The following ITGB1 variants were observed in gnomAD, a reference collection of about 807,000 sequenced individuals.
The protein encoded by ITGB1 is integrin subunit beta 1, also known as integrin beta-1.
A neutral mutation model predicts 86.5 loss-of-function variants in ITGB1; 24 were observed. That is an observed-to-expected ratio of 0.28 (90% CI 0.20 to 0.39). The LOEUF (loss-of-function observed/expected upper bound fraction) is 0.39. Among genes scored for constraint, ITGB1 ranks in the 10% least tolerant of loss-of-function variants. ITGB1 has a pLI of 1.00. For missense variants in ITGB1, 556 were observed against 946.9 expected, an observed-to-expected ratio of 0.59 and a Z score of 5.42; for synonymous variants, 323 against 316.8, an observed-to-expected ratio of 1.02 and a Z score of -0.21.
At chr10:32,902,590 C>T (rs140644897) in intron 15 of ITGB1, among the ~76,000 whole-genome samples, 2 of 151,964 alleles carry the variant, frequency 1.3e-5, no homozygotes, top group African/African-American at 4.8e-5. Flanking sequence ...TTGTTAACTA[C>T]CAGGGAAATT....
At chr10:32,925,622 G>T (rs941669302) in intron 6 of ITGB1, among the ~76,000 whole-genome samples, 1 of 152,152 alleles carries the variant, frequency 6.6e-6, no homozygotes, top group Non-Finnish European at 1.5e-5. Context: ...GTTTCAAATG[G>T]TTAGCATTCT....
intron 15 of ITGB1, 52 bp from the exon 16 acceptor site, chr10:32,901,687 G>C: frequency 2.6e-6 from 3 of 1,157,478 alleles, no homozygotes; most frequent in Non-Finnish European, 3.8e-6. Context: ...CTAAAATTAT[G>C]TAGAATAATT....
At chr10:32,944,800 C>G (rs1265512085) in intron 1 of ITGB1, 4 of 823,222 alleles carry the variant, frequency 4.9e-6, no homozygotes, top group Non-Finnish European at 8.4e-6. Flanking sequence ...GAGTCTACAA[C>G]ATTGAATTCA....
intron 11 of ITGB1, among the ~76,000 whole-genome samples, chr10:32,918,570 G>A (rs963050176): frequency 1.3e-5 from 2 of 152,012 alleles, no homozygotes; most frequent in Non-Finnish European, 2.9e-5. Context: ...AAGTTCATAT[G>A]GAATATATGC....
At chr10:32,944,464 G>A (rs926377342) in intron 1 of ITGB1, 9 of 352,676 alleles carry the variant, frequency 2.6e-5, no homozygotes, top group Middle Eastern at 9.8e-4. Context: ...TAGTTGTCGC[G>A]CGTCACCAAA....
At chr10:32,923,368 G>A (rs2094955676) in intron 7 of ITGB1, among the ~76,000 whole-genome samples, 1 of 152,130 alleles carries the variant, frequency 6.6e-6, no homozygotes, top group Non-Finnish European at 1.5e-5. Context: ...TCCCACCCCA[G>A]TGAGGCCCTT....
intron 6 of ITGB1, 48 bp downstream of exon 6, chr10:32,925,823 C>A (rs45470097): frequency 0.01 from 11,177 of 1,115,868 alleles, 91 homozygotes; most frequent in Middle Eastern, 0.034. Flanking sequence ...TTAAAATTCA[C>A]ACACATAATA....
chr10:32,907,191 T>C (rs200349755), intron 15 of ITGB1: 1 of 780,452 alleles, frequency 1.3e-6, no homozygotes, highest in Non-Finnish European at 2.0e-6. Context: ...AAAAAAAAAA[T>C]CCCTTTATAG....
chr10:32,909,027 G>C (rs1346154895), intron 14 of ITGB1, among the ~76,000 whole-genome samples: 1 of 152,184 alleles, frequency 6.6e-6, no homozygotes, highest in Non-Finnish European at 1.5e-5. Context: ...GTAGCAATCA[G>C]TAAGCCACTT....
intron 3 of ITGB1, among the ~76,000 whole-genome samples, chr10:32,931,799 T>C (rs955309003): frequency 2.6e-5 from 4 of 152,142 alleles, no homozygotes; most frequent in Non-Finnish European, 5.9e-5. Context: ...TAGTTATTCA[T>C]TCTGTGAATA....
At chr10:32,952,083 G>A (rs2095043754) in intron 1 of ITGB1, among the ~76,000 whole-genome samples, 1 of 152,004 alleles carries the variant, frequency 6.6e-6, no homozygotes, top group Non-Finnish European at 1.5e-5. Flanking sequence ...CATGATAAAT[G>A]TTTTAAAACC....
intron 1 of ITGB1, among the ~76,000 whole-genome samples, chr10:32,942,321 T>C (rs2095020318): frequency 6.6e-6 from 1 of 152,026 alleles, no homozygotes; most frequent in Admixed American, 6.5e-5. Context: ...GGAAAAGAGG[T>C]ACGGCTTAGG....
At chr10:32,938,355 A>G (rs1361879252) in intron 1 of ITGB1, among the ~76,000 whole-genome samples, 4 of 152,254 alleles carry the variant, frequency 2.6e-5, no homozygotes, top group African/African-American at 7.2e-5. Context: ...TATTTGTTCC[A>G]TATATGGACA....
intron 2 of ITGB1, among the ~76,000 whole-genome samples, chr10:32,934,121 T>C (rs1243144326): frequency 2.0e-5 from 3 of 152,176 alleles, no homozygotes; most frequent in Admixed American, 1.3e-4. Flanking sequence ...TTGAAGAGCA[T>C]ATTAACATTT....
chr10:32,928,107 C>A lies in ITGB1; in HGVS notation c.534G>T (p.Ser178=). The A allele has an allele frequency of 6.3e-7, 1 of 1,583,958 alleles. No individual in the cohort carries two copies. The highest frequency in any genetic ancestry group is 1.2e-5 in the South Asian group (1 of 86,738). ...DLMNEMRRIT[S]DFRIGFGSFV... is the part of the protein sequence containing the mutation. Reference sequence around the variant, plus strand: ...CAACATTCCTACCAATTCTGAAGTCCGAAGTAATCCTCCTCATTTCATTCA... The same window carrying A: ...CAACATTCCTACCAATTCTGAAGTCAGAAGTAATCCTCCTCATTTCATTCA... The change falls in exon 5 of 16, where the codon TCG becomes TCT. Residue 178 remains serine, a synonymous_variant. Coordinates refer to ENST00000302278, the MANE Select transcript of ITGB1 (RefSeq NM_002211.4).
chr10:32,944,288 C>G (rs1039885655), intron 1 of ITGB1, among the ~76,000 whole-genome samples: 1 of 152,230 alleles, frequency 6.6e-6, no homozygotes, highest in Admixed American at 6.5e-5. Context: ...CCACAGTCCC[C>G]GCCCACTAGC....
chr10:32,929,426 A>C (rs2094976127), intron 4 of ITGB1, among the ~76,000 whole-genome samples: 1 of 152,184 alleles, frequency 6.6e-6, no homozygotes, highest in Admixed American at 6.5e-5. Flanking sequence ...TGTGGGACTA[A>C]CAGACATAAT....
intron 11 of ITGB1, among the ~76,000 whole-genome samples, chr10:32,913,598 G>A (rs1184448341): frequency 1.3e-5 from 2 of 151,794 alleles, no homozygotes; most frequent in Non-Finnish European, 2.9e-5. Flanking sequence ...ATGAAATGAA[G>A]TGAGAAGTTT....
chr10:32,914,859 T>C (rs1370912887), intron 11 of ITGB1, among the ~76,000 whole-genome samples: 2 of 152,072 alleles, frequency 1.3e-5, no homozygotes, highest in South Asian at 2.1e-4. Flanking sequence ...CAACAGAATA[T>C]ACATTCTTCT....
Sources: gnomAD v4.1 joint callset for allele counts (sites outside exome capture counted in the v4.1 genomes callset) on GRCh38, gnomAD v4.1.1 for gene constraint, MANE v1.5 for transcripts, NCBI Gene and HGNC (gene_info 2026-07-23, HGNC 2026-07-21) for gene names.